The following LRIF1 variants were observed in gnomAD, a reference collection of about 807,000 sequenced individuals.
LRIF1 encodes the protein ligand dependent nuclear receptor interacting factor 1.
A neutral mutation model predicts 52.7 loss-of-function variants in LRIF1; 32 were observed. That is an observed-to-expected ratio of 0.61 (90% CI 0.46 to 0.82). The LOEUF (loss-of-function observed/expected upper bound fraction) is 0.82, where lower values mean the gene tolerates loss of function less well. Ranked by LOEUF, LRIF1 falls within the 40% of genes least tolerant of loss-of-function variation. The pLI is 0.00. For synonymous variants in LRIF1, 323 were observed against 317.4 expected, an observed-to-expected ratio of 1.02 and a Z score of -0.19; for missense variants, 887 against 892.0, an observed-to-expected ratio of 0.99 and a Z score of 0.07.
downstream of LRIF1, chr1:110,944,896 G>T (rs903839474): frequency 2.2e-4 from 30 of 138,732 alleles, no homozygotes; most frequent in Non-Finnish European, 3.2e-4. Flanking sequence ...CAAGGTTGCT[G>T]TTTTTTTTTT....
chr1:110,889,509 G>C, the LRIF1 span, among the ~76,000 whole-genome samples: 1 of 152,052 alleles, frequency 6.6e-6, no homozygotes, highest in African/African-American at 2.4e-5. Flanking sequence ...AGTGAGCTGA[G>C]ATCATGCCAC....
At chr1:110,923,508 C>T in the LRIF1 span, among the ~76,000 whole-genome samples, 2 of 151,888 alleles carry the variant, frequency 1.3e-5, no homozygotes, top group Non-Finnish European at 2.9e-5. Context: ...AGATAAAAAT[C>T]ACATGAAAAT....
the LRIF1 span, among the ~76,000 whole-genome samples, chr1:110,934,898 A>G: frequency 2.6e-5 from 4 of 152,304 alleles, no homozygotes; most frequent in Middle Eastern, 3.4e-3. Flanking sequence ...GTGCTATGCT[A>G]GCTTCAGGTA....
At chr1:110,924,424 GGAA>G in the LRIF1 span, among the ~76,000 whole-genome samples, 22 of 152,290 alleles carry the variant, frequency 1.4e-4, no homozygotes, top group Non-Finnish European at 3.1e-4. Flanking sequence ...CCACATGGTG[GGAA>G]GACCTCAGGA....
At chr1:110,930,264 A>G in the LRIF1 span, among the ~76,000 whole-genome samples, 1 of 152,080 alleles carries the variant, frequency 6.6e-6, no homozygotes, top group Non-Finnish European at 1.5e-5. Context: ...ATGCCCCTCA[A>G]TTTGGGTTTA....
the LRIF1 span, among the ~76,000 whole-genome samples, chr1:110,935,162 A>G: frequency 6.6e-6 from 1 of 152,232 alleles, no homozygotes; most frequent in Non-Finnish European, 1.5e-5. Flanking sequence ...TACAACTTAG[A>G]GCACAACACT....
Position 110,948,364 on chromosome 1 carries a change from A to C in LRIF1, c.1905T>G (p.Asn635Lys). The change falls in exon 4 of 4, where the codon AAT becomes AAG. Residue 635 changes from asparagine (N) to lysine (K), a missense_variant. Coordinates refer to ENST00000369763, the MANE Select transcript of LRIF1 (RefSeq NM_018372.4). ...NFDKKRKAKTNKKMDHIKKRK... is the reference protein window; with the variant it reads ...NFDKKRKAKTKKKMDHIKKRK... ...TCTTCTTTATGTGATCCATCTTCTT[A>C]TTAGTTTTTGCTTTTCTTTTCTTAT... The C allele has an allele frequency of 6.2e-7, 1 of 1,612,864 alleles. No homozygotes were observed. The highest frequency in any genetic ancestry group is 8.5e-7 in the Non-Finnish European group (1 of 1,179,464).
At chr1:110,954,232 TAA>T (rs1200376992) in intron 1 of LRIF1, among the ~76,000 whole-genome samples, 2 of 152,222 alleles carry the variant, frequency 1.3e-5, no homozygotes, top group Non-Finnish European at 2.9e-5. Context: ...TACAAAAATT[TAA>T]AAGTCTTTTG....
At chr1:110,955,627 T>C (rs1658664402) in intron 1 of LRIF1, among the ~76,000 whole-genome samples, 1 of 152,180 alleles carries the variant, frequency 6.6e-6, no homozygotes, top group South Asian at 2.1e-4. Context: ...AACAGTGCTG[T>C]GAAGATCACT....
chr1:110,899,206 T>C, the LRIF1 span: 16 of 1,603,034 alleles, frequency 1.0e-5, no homozygotes, highest in Admixed American at 1.7e-5. Context: ...TCTGCAGTAG[T>C]CCTGTGGTGA....
chr1:110,886,344 A>C, the LRIF1 span, among the ~76,000 whole-genome samples: 1 of 151,774 alleles, frequency 6.6e-6, no homozygotes, highest in Non-Finnish European at 1.5e-5. Context: ...AGCTTTCTTC[A>C]TGTTTCTTGT....
chr1:110,952,464 C>T lies in LRIF1; in HGVS notation c.420G>A (p.Val140=), dbSNP rs1201220133. 6.2e-7 allele frequency: 1 copy of T among 1,612,030 alleles called. No individual in the cohort carries two copies. The highest frequency in any genetic ancestry group is 8.5e-7 in the Non-Finnish European group (1 of 1,178,322). Residue 140 remains valine (V), a synonymous_variant, in exon 2 of 4, where the codon GTG becomes GTA. Transcript: ENST00000369763. ...SSVSKVQSHG[V]KIDGLTMQTF... ...TTTGCATGGTGAGTCCATCAATTTT[C>T]ACACCATGACTCTGAACTTTAGAAA...
the LRIF1 span, chr1:110,937,890 T>G: frequency 6.6e-6 from 1 of 152,178 alleles, no homozygotes; most frequent in African/African-American, 2.4e-5. Flanking sequence ...TTACAACTGA[T>G]ACTGCAGAAA....
chr1:110,916,136 C>T, the LRIF1 span, among the ~76,000 whole-genome samples: 4 of 152,004 alleles, frequency 2.6e-5, no homozygotes, highest in Admixed American at 2.6e-4. Context: ...GTACTTTAGG[C>T]AGAAAGTGAT....
rs1486779309 is a variant in LRIF1 at position 110,950,193 on chromosome 1, G to A, written c.1597-70C>T. On this transcript the variant is annotated intron_variant, in intron 2 of 3. Coordinates refer to ENST00000369763, the MANE Select transcript of LRIF1 (RefSeq NM_018372.4). ...TCAAGTTACTTTATTAAGCAACTAAGTGATTATTTCATCTTACATAAAAGA... is the reference window on the plus strand; with the variant it reads ...TCAAGTTACTTTATTAAGCAACTAAATGATTATTTCATCTTACATAAAAGA... The A allele has an allele frequency of 8.2e-6, 12 of 1,470,040 alleles. No homozygotes were observed. The Admixed American group carries it at 2.5e-4, about 31-fold the overall frequency. 91.1% of individuals were successfully genotyped at this position (1,470,040 alleles called of 1,614,324 possible).
the LRIF1 span, among the ~76,000 whole-genome samples, chr1:110,917,648 GT>G: frequency 1.4e-3 from 44 of 32,178 alleles, no homozygotes; most frequent in Admixed American, 2.4e-3. Context: ...TTTTGTTTTT[GT>G]TTTTTTTTTT....
the LRIF1 span, among the ~76,000 whole-genome samples, chr1:110,909,611 G>A: frequency 1.6e-5 from 2 of 122,692 alleles, no homozygotes; most frequent in African/African-American, 6.1e-5. Flanking sequence ...ACGGAGTTTC[G>A]CTCTTGTTGC....
At position 110,951,795 on chromosome 1, in the gene LRIF1, T is replaced by C. The variant is rs1321001905; in HGVS notation, c.1089A>G (p.Lys363=). ...KDNALVMFNG[K]VYLLAKKGTD... is the part of the protein sequence containing the mutation. ...TCCCCTTTTTAGCCAACAGATAGACTTTCCCATTAAACATAACCAAAGCAT... is the reference window on the plus strand; with the variant it reads ...TCCCCTTTTTAGCCAACAGATAGACCTTCCCATTAAACATAACCAAAGCAT... The change falls in exon 2 of 4, where the codon AAA becomes AAG. Residue 363 remains lysine, a synonymous_variant. Coordinates refer to ENST00000369763, the MANE Select transcript of LRIF1 (RefSeq NM_018372.4). 2.5e-6 allele frequency: 4 copies of C among 1,612,354 alleles called. No individual in the cohort carries two copies. Among genetic ancestry groups the C allele is most frequent in the Non-Finnish European group, 3.4e-6 (4 of 1,180,024 alleles).
In LRIF1 at chr1:110,952,562, G is replaced by A; in HGVS notation, c.322C>T (p.Leu108Phe). 6.2e-7 allele frequency: 1 copy of A among 1,613,966 alleles called. No homozygotes were observed. The highest frequency in any genetic ancestry group is 8.5e-7 in the Non-Finnish European group (1 of 1,179,862). ...TCTGATGTATCTACTGTTCTTGTAA[G>A]AAAATAGTTTGAAGAACTGGCTGGC... Reference protein sequence around the residue: ...FQPASSSNYFLTRTVDTSEKG... With the variant: ...FQPASSSNYFFTRTVDTSEKG... The change falls in exon 2 of 4, where the codon CTT (leucine) becomes TTT (phenylalanine). Residue 108 changes from leucine (L) to phenylalanine (F), a missense_variant. Coordinates refer to ENST00000369763, the MANE Select transcript of LRIF1 (RefSeq NM_018372.4).
Sources: gnomAD v4.1 joint callset for allele counts (sites outside exome capture counted in the v4.1 genomes callset) on GRCh38, gnomAD v4.1.1 for gene constraint, MANE v1.5 for transcripts, NCBI Gene and HGNC (gene_info 2026-07-23, HGNC 2026-07-21) for gene names.